Variants in CAST observed in about 807,000 individuals in gnomAD.
CAST encodes MIR583 host.
Under a neutral mutation model 119.6 loss-of-function variants are expected in CAST, and 76 were observed. The ratio of observed to expected loss-of-function variants is 0.64; its 90% CI spans 0.53 to 0.77. The LOEUF is 0.77. Among genes scored for constraint, CAST ranks in the 30% least tolerant of loss-of-function variants. CAST has a pLI of 0.00. For synonymous variants in CAST, 319 were observed against 331.6 expected (o/e 0.96, Z 0.41); for missense variants, 953 against 946.5 (o/e 1.01, Z -0.09).
chr5:96,481,314 A>G, the CAST span, among the ~76,000 whole-genome samples: 2 of 152,204 alleles, frequency 1.3e-5, no homozygotes, highest in African/African-American at 2.4e-5. Context: ...CTCTTGAGAT[A>G]AGAGCCTTCT....
intron 1 of CAST, among the ~76,000 whole-genome samples, chr5:96,550,608 A>C (rs1746109544): frequency 6.6e-6 from 1 of 152,222 alleles, no homozygotes; most frequent in South Asian, 2.1e-4. Flanking sequence ...TGGTAATAAT[A>C]AACTTCTCTG....
At chr5:95,961,852 G>T in the CAST span, 2 of 1,219,074 alleles carry the variant, frequency 1.6e-6, no homozygotes, top group Non-Finnish European at 2.2e-6. Context: ...GTCATATACT[G>T]CGCGGAGCCA....
chr5:96,353,364 A>G, the CAST span, among the ~76,000 whole-genome samples: 3 of 152,170 alleles, frequency 2.0e-5, no homozygotes, highest in African/African-American at 7.2e-5. Flanking sequence ...ATCCAAACTT[A>G]TATGACCTAA....
the CAST span, among the ~76,000 whole-genome samples, chr5:96,165,822 A>T: frequency 1.3e-5 from 2 of 152,256 alleles, no homozygotes; most frequent in Admixed American, 1.3e-4. Context: ...GATGTGAATG[A>T]CTTCTTTGCC....
chr5:96,390,445 G>C, the CAST span: 2 of 152,318 alleles, frequency 1.3e-5, no homozygotes, highest in African/African-American at 4.8e-5. Flanking sequence ...TGTATAATGT[G>C]GAAGTTCCCT....
At chr5:96,263,567 A>G in the CAST span, among the ~76,000 whole-genome samples, 1 of 151,874 alleles carries the variant, frequency 6.6e-6, no homozygotes, top group Admixed American at 6.6e-5. Context: ...GAAAAGAAGG[A>G]TCCTTACCAT....
chr5:96,276,568 A>G, the CAST span, among the ~76,000 whole-genome samples: 1 of 152,216 alleles, frequency 6.6e-6, no homozygotes, highest in Non-Finnish European at 1.5e-5. Context: ...AGAGATCAGA[A>G]ACAAGCTTGG....
At chr5:96,517,909 G>C in the CAST span, among the ~76,000 whole-genome samples, 3 of 152,202 alleles carry the variant, frequency 2.0e-5, no homozygotes, top group African/African-American at 7.2e-5. Context: ...TAAGCCCTTT[G>C]TGAATATTAT....
the CAST span, among the ~76,000 whole-genome samples, chr5:96,194,896 G>C: frequency 6.6e-6 from 1 of 152,236 alleles, no homozygotes; most frequent in Non-Finnish European, 1.5e-5. Flanking sequence ...TCTGGCAGTG[G>C]TGGAGAGGAA....
chr5:96,537,175 C>A (rs1448419536), intron 1 of CAST, among the ~76,000 whole-genome samples: 1 of 152,196 alleles, frequency 6.6e-6, no homozygotes, highest in Non-Finnish European at 1.5e-5. Flanking sequence ...TGAAGCCCAC[C>A]CTTGCTGAGC....
chr5:96,606,361 A>G (rs1029125602), intron 1 of CAST, among the ~76,000 whole-genome samples: 2 of 152,212 alleles, frequency 1.3e-5, no homozygotes, highest in African/African-American at 4.8e-5. Context: ...TGAGTGTCAG[A>G]TTTTTATCTG....
chr5:96,119,746 T>A, the CAST span, among the ~76,000 whole-genome samples: 4 of 152,326 alleles, frequency 2.6e-5, no homozygotes, highest in South Asian at 8.3e-4. Context: ...ATACTTCCTT[T>A]GATTCTTCTG....
chr5:96,310,019 AG>A, the CAST span, among the ~76,000 whole-genome samples: 1 of 152,238 alleles, frequency 6.6e-6, no homozygotes, highest in Non-Finnish European at 1.5e-5. Flanking sequence ...TCTAGAGGAA[AG>A]GGTTCCAGTT....
the CAST span, among the ~76,000 whole-genome samples, chr5:95,971,565 G>A: frequency 1.3e-5 from 2 of 151,990 alleles, no homozygotes; most frequent in Non-Finnish European, 2.9e-5. Context: ...TTACCTCCTC[G>A]AAGGAACTCC....
At chr5:96,175,410 CATTT>C in the CAST span, among the ~76,000 whole-genome samples, 1 of 152,120 alleles carries the variant, frequency 6.6e-6, no homozygotes, top group African/African-American at 2.4e-5. Context: ...GCCAAGGACT[CATTT>C]AGGCTCTGGA....
intron 11 of CAST, 90 bp from the exon 12 acceptor site, chr5:96,739,948 A>C (rs1762351862): frequency 1.5e-6 from 1 of 666,150 alleles, no homozygotes. Flanking sequence ...ATAAATTAAT[A>C]ATGGAATAGT....
At chr5:96,560,144 G>T in intron 1 of CAST, among the ~76,000 whole-genome samples, 1 of 151,956 alleles carries the variant, frequency 6.6e-6, no homozygotes, top group Non-Finnish European at 1.5e-5. Flanking sequence ...GGGAAAACTG[G>T]CTAGCCATAT....
At chr5:96,037,832 G>T in the CAST span, among the ~76,000 whole-genome samples, 1 of 152,116 alleles carries the variant, frequency 6.6e-6, no homozygotes, top group Non-Finnish European at 1.5e-5. Flanking sequence ...TAATCTGAAG[G>T]CTTGCCTGGG....
chr5:96,293,030 A>T, the CAST span, among the ~76,000 whole-genome samples: 1 of 152,182 alleles, frequency 6.6e-6, no homozygotes. Flanking sequence ...GAGGAGTGCA[A>T]ACAGCAGCCA....
Sources: allele counts gnomAD v4.1 joint callset (sites outside exome capture counted in the v4.1 genomes callset), GRCh38; gene constraint gnomAD v4.1.1; transcripts MANE v1.5; gene names NCBI Gene and HGNC (gene_info 2026-07-23, HGNC 2026-07-21).